The following KLHL7 variants were observed in gnomAD, a reference collection of about 807,000 sequenced individuals.
KLHL7 encodes kelch-like protein 7.
A neutral mutation model predicts 67.4 loss-of-function variants in KLHL7; 44 were observed. That is an observed-to-expected ratio of 0.65 (90% CI 0.51 to 0.84). The LOEUF is 0.84. Among genes scored for constraint, KLHL7 ranks in the 40% least tolerant of loss-of-function variants. The probability of loss-of-function intolerance (pLI) is 0.00; values close to 1 mark genes in which losing one functional copy is unlikely to be tolerated. For missense variants in KLHL7, 362 were observed against 718.1 expected (o/e 0.50, Z 5.67); for synonymous variants, 252 against 243.3 (o/e 1.04, Z -0.33).
intron 6 of KLHL7, 43 bp downstream of exon 6, chr7:23,144,068 A>G (rs774108850): frequency 1.3e-6 from 2 of 1,520,052 alleles, no homozygotes; most frequent in Non-Finnish European, 9.1e-7. Context: ...TCATGTAGCC[A>G]GTTTCTCATG....
chr7:23,177,730 G>GC lies in KLHL7; in HGVS notation c.*3433dup, dbSNP rs1283667754. On this transcript the variant is annotated 3_prime_UTR_variant, in exon 11 of 11. Transcript: ENST00000339077. ...ATCACAATTCGGTCAGAAAAGTTTA[G>GC]CATCTTAAAAAAATTGTTGCTATTT... 6.6e-6 allele frequency: 1 copy of GC among 151,936 alleles called. No individual in the cohort carries two copies. Among genetic ancestry groups the GC allele is most frequent in the Non-Finnish European group, 1.5e-5 (1 of 67,994 alleles). 9.4% of individuals were successfully genotyped at this position (151,936 alleles called of 1,614,324 possible).
intron 4 of KLHL7, among the ~76,000 whole-genome samples, chr7:23,135,683 G>T (rs1433776942): frequency 2.0e-5 from 3 of 152,068 alleles, no homozygotes; most frequent in Non-Finnish European, 4.4e-5. Flanking sequence ...TTTGTCTTTG[G>T]TCCTTCACAG....
At position 23,140,961 on chromosome 7, in the gene KLHL7, C is replaced by CG; in HGVS notation, c.618+17_618+18insG. 1 of 1,609,040 alleles carries CG rather than the reference C, an allele frequency of 6.2e-7. No homozygotes were observed. The highest frequency in any genetic ancestry group is 8.5e-7 in the Non-Finnish European group (1 of 1,175,928). On this transcript the variant is annotated intron_variant, in intron 5 of 10. Transcript: ENST00000339077. Reference sequence around the variant, plus strand: ...GAGGATCAGGTGACTAAATTGCCTTCTCACATTTTTCTTAATAAAAATGTC... The same window carrying CG: ...GAGGATCAGGTGACTAAATTGCCTTCGTCACATTTTTCTTAATAAAAATGTC...
intron 9 of KLHL7, 130 bp from the exon 10 acceptor site, chr7:23,172,818 C>T (rs953160654): frequency 7.1e-6 from 5 of 702,116 alleles, no homozygotes; most frequent in Non-Finnish European, 1.0e-5. Flanking sequence ...CCCTTCTAGA[C>T]ATTTTGTGCG....
Position 23,114,536 on chromosome 7 carries a change from TG to T in KLHL7, c.120+8392del, listed in dbSNP as rs1783006417. On this transcript the variant is annotated intron_variant, in intron 1 of 10. Transcript: ENST00000339077. ...ACCCCAAACTCCAGCACAAAGTAGC[TG>T]GACCAAGTAGCTGTAAGTTCTTTTT... Among the ~76,000 whole-genome samples the T allele has an allele frequency of 1.3e-5, 2 of 152,236 alleles. 1 individual carries two copies. The highest frequency in any genetic ancestry group is 4.1e-4 in the South Asian group (2 of 4,834).
At chr7:23,125,256 A>T in intron 4 of KLHL7, 84 bp downstream of exon 4, 1 of 1,402,540 alleles carries the variant, frequency 7.1e-7, no homozygotes, top group Non-Finnish European at 1.0e-6. Flanking sequence ...GCTGATTTTA[A>T]GTATCCGCAT....
intron 9 of KLHL7, among the ~76,000 whole-genome samples, chr7:23,171,762 T>C (rs570493008): frequency 1.3e-5 from 2 of 152,344 alleles, no homozygotes; most frequent in South Asian, 2.1e-4. Flanking sequence ...CAGGCTGCAG[T>C]GCAGTGGCGT....
At chr7:23,143,645 G>T (rs1221210252) in intron 5 of KLHL7, among the ~76,000 whole-genome samples, 1 of 151,814 alleles carries the variant, frequency 6.6e-6, no homozygotes, top group Non-Finnish European at 1.5e-5. Flanking sequence ...ATAGTAGTTA[G>T]TTCTAAAAAA....
At chr7:23,168,072 C>G (rs1425359308) in intron 9 of KLHL7, 35 bp downstream of exon 9, 2 of 1,583,156 alleles carry the variant, frequency 1.3e-6, no homozygotes, top group Non-Finnish European at 8.7e-7. Context: ...TTACAGTTAA[C>G]TGTATTCTAT....
intron 7 of KLHL7, among the ~76,000 whole-genome samples, chr7:23,159,433 G>A (rs943936879): frequency 6.6e-6 from 1 of 152,048 alleles, no homozygotes; most frequent in East Asian, 1.9e-4. Context: ...GCCTCCCAAA[G>A]CACTGGGATA....
chr7:23,138,475 AAAAAAAAAAG>A (rs1313970205), intron 4 of KLHL7, among the ~76,000 whole-genome samples: 9 of 149,146 alleles, frequency 6.0e-5, no homozygotes, highest in African/African-American at 2.2e-4. Context: ...AAAAAAAAAA[AAAAAAAAAAG>A]AAGGTATAAA....
intron 1 of KLHL7, among the ~76,000 whole-genome samples, chr7:23,112,255 C>G (rs1259956730): frequency 6.6e-6 from 1 of 151,998 alleles, no homozygotes; most frequent in African/African-American, 2.4e-5. Flanking sequence ...ACACTATTCA[C>G]TGAGAAAGGA....
chr7:23,147,191 G>A lies in KLHL7; in HGVS notation c.793+3166G>A, dbSNP rs1008907774. 1.2e-4 allele frequency among the ~76,000 whole-genome samples: 18 copies of A among 150,532 alleles called. 1 individual carries two copies. Among genetic ancestry groups the A allele is most frequent in the South Asian group, 8.6e-4 (4 of 4,642 alleles). ...TGCAACCTCCACCTCCTGGGTTCAA[G>A]TGATTCTCGTGCCTCAGCCTCCCAA... On this transcript the variant is annotated intron_variant, in intron 6 of 10. Coordinates refer to ENST00000339077, the MANE Select transcript of KLHL7 (RefSeq NM_001031710.3).
At chr7:23,167,770 A>C in intron 8 of KLHL7, 66 bp from the exon 9 acceptor site, 4 of 1,393,408 alleles carry the variant, frequency 2.9e-6, no homozygotes, top group Non-Finnish European at 4.1e-6. Context: ...TAAGATCTAC[A>C]GTCAGTTCTT....
chr7:23,151,141 A>C (rs1351143150), intron 6 of KLHL7, among the ~76,000 whole-genome samples: 1 of 123,388 alleles, frequency 8.1e-6, no homozygotes, highest in African/African-American at 3.3e-5. Context: ...AGGCTTCTCC[A>C]TTCTGGGCCT....
rs115118418 is a variant in KLHL7, at chr7:23,163,052, C to T, written c.937-2646C>T. On this transcript the variant is annotated intron_variant, in intron 7 of 10. Transcript: ENST00000339077. ...TATTATTTGAGGATCTATGTGTTTT[C>T]AGAATACATTATATAAAATCAGTCC... 7.6e-3 allele frequency among the ~76,000 whole-genome samples: 1,151 copies of T among 152,226 alleles called. 15 individuals are homozygous for T. Among genetic ancestry groups the T allele is most frequent in the African/African-American group, 0.026 (1,082 of 41,532 alleles).
At chr7:23,106,314 C>T in intron 1 of KLHL7, 168 bp downstream of exon 1, 13 of 1,476,846 alleles carry the variant, frequency 8.8e-6, no homozygotes, top group East Asian at 7.6e-5. Context: ...TAGAGGGGCG[C>T]GTAAAACAAT....
At chr7:23,162,762 G>A (rs894403553) in intron 7 of KLHL7, among the ~76,000 whole-genome samples, 3 of 152,092 alleles carry the variant, frequency 2.0e-5, no homozygotes, top group Admixed American at 6.5e-5. Flanking sequence ...TTTTTAAAGC[G>A]CTTAGAAACT....
intron 9 of KLHL7, chr7:23,171,243 C>A: frequency 4.7e-6 from 1 of 212,040 alleles, no homozygotes; most frequent in Non-Finnish European, 1.0e-5. Flanking sequence ...CTAGTATGTA[C>A]TCTGCATGTG....
Sources: allele counts gnomAD v4.1 joint callset (sites outside exome capture counted in the v4.1 genomes callset), GRCh38; gene constraint gnomAD v4.1.1; transcripts MANE v1.5; gene names NCBI Gene and HGNC (gene_info 2026-07-23, HGNC 2026-07-21).